The following FEZ2 variants were observed in gnomAD, a reference collection of about 807,000 sequenced individuals.
FEZ2 encodes the protein fasciculation and elongation protein zeta-2.
A neutral mutation model predicts 40.4 loss-of-function variants in FEZ2; 51 were observed. That is an observed-to-expected ratio of 1.26 (90% confidence interval 1.01 to 1.59). FEZ2 has a LOEUF of 1.59. Among genes scored for constraint, FEZ2 ranks in the 40% most tolerant of loss-of-function variants. The pLI, the probability that FEZ2 is intolerant of heterozygous loss-of-function variation, is 0.00. For synonymous variants in FEZ2, 242 were observed against 172.0 expected, an observed-to-expected ratio of 1.41 and a Z score of -3.18; for missense variants, 640 against 438.3, an observed-to-expected ratio of 1.46 and a Z score of -4.11.
chr2:36,577,892 A>C (rs1668622325), intron 5 of FEZ2, among the ~76,000 whole-genome samples: 2 of 152,226 alleles, frequency 1.3e-5, no homozygotes, highest in African/African-American at 4.8e-5. Context: ...AGAAAAAGAG[A>C]TCCCTTTACC....
chr2:36,581,325 G>A lies in FEZ2; in HGVS notation c.599C>T (p.Thr200Ile). 5.0e-6 allele frequency: 8 copies of A among 1,613,844 alleles called. No individual in the cohort carries two copies. Among genetic ancestry groups the A allele is most frequent in the Non-Finnish European group, 6.8e-6 (8 of 1,179,746 alleles). The change falls in exon 4 of 8, where the codon ACT (threonine) becomes ATT (isoleucine). Residue 200 changes from threonine to isoleucine, a missense_variant. Coordinates refer to ENST00000405912, the MANE Select transcript of FEZ2 (RefSeq NM_005102.3). ...RLSMLSQEIQ[T>I]LKRSSTGSYE... The stretch of plus-strand genomic sequence containing the variant: ...ACTGCCGGTACTAGACCTCTTGAGA[G>A]TTTGAATTTCCTGGGAAAGCATTGA...
At chr2:36,586,650 C>T (rs1304294784) in intron 2 of FEZ2, among the ~76,000 whole-genome samples, 1 of 151,102 alleles carries the variant, frequency 6.6e-6, no homozygotes, top group Non-Finnish European at 1.5e-5. Context: ...AAAATTACTC[C>T]TAAGGAAGCC....
chr2:36,562,426 T>C (rs955946933), intron 5 of FEZ2, among the ~76,000 whole-genome samples: 8 of 152,330 alleles, frequency 5.3e-5, no homozygotes, highest in Admixed American at 3.3e-4. Flanking sequence ...TGTAACTCTA[T>C]GGAGTTACTG....
Position 36,583,296 on chromosome 2 carries a change from G to A in FEZ2, c.492+57C>T, listed in dbSNP as rs575426176. On this transcript the variant is annotated intron_variant, in intron 3 of 7. Transcript: ENST00000405912. Reference sequence around the variant, plus strand: ...CCATCATTTACTGTCATAACAAGAAGCCGTTTTTCAGCTCTAGAGTCTCCT... The same window carrying A: ...CCATCATTTACTGTCATAACAAGAAACCGTTTTTCAGCTCTAGAGTCTCCT... The A allele has an allele frequency of 1.2e-4, 101 of 862,532 alleles. No individual in the cohort carries two copies. The African/African-American group carries it at 1.6e-3, about 14-fold the overall frequency. 53.4% of individuals were successfully genotyped at this position (862,532 alleles called of 1,614,324 possible).
rs1299695859 is a variant in FEZ2 at position 36,556,273 on chromosome 2, G to C, written c.980-525C>G. 4 of 209,014 alleles carry C rather than the reference G, an allele frequency of 1.9e-5. No homozygotes were observed. The Admixed American group carries it at 2.3e-4, about 12-fold the overall frequency. 12.9% of individuals were successfully genotyped at this position (209,014 alleles called of 1,614,324 possible). A position where few individuals can be genotyped will look rare whatever the true frequency, so the allele number is the denominator to read the frequency against. On this transcript the variant is annotated intron_variant, in intron 6 of 7. Coordinates refer to ENST00000405912, the MANE Select transcript of FEZ2 (RefSeq NM_005102.3). ...ACAGACTTCCATGAAGCAGCATCGG[G>C]CATCTGCCTGGCTGTTGCCTCCTCT... is the stretch of plus-strand genomic sequence containing the variant.
chr2:36,566,182 T>C (rs1668232788), intron 5 of FEZ2, among the ~76,000 whole-genome samples: 1 of 152,024 alleles, frequency 6.6e-6, no homozygotes, highest in Non-Finnish European at 1.5e-5. Context: ...CTACTAAAAA[T>C]ACAAAAAATT....
At position 36,552,262 on chromosome 2, in the gene FEZ2, T is replaced by TA. The variant is rs1256097472; in HGVS notation, c.*900dup. On this transcript the variant is annotated 3_prime_UTR_variant, in exon 8 of 8. Transcript: ENST00000405912. ...TATAAGGCTCTCAAACATGTATTTT[T>TA]ACTTCTTAAAAAATTTATTAAATGC... is the stretch of plus-strand genomic sequence containing the variant. 20 of 451,216 alleles carry TA rather than the reference T, an allele frequency of 4.4e-5. No homozygotes were observed. Among genetic ancestry groups the TA allele is most frequent in the Non-Finnish European group, 8.1e-5 (18 of 221,132 alleles). 28.0% of individuals were successfully genotyped at this position (451,216 alleles called of 1,614,324 possible).
intron 2 of FEZ2, among the ~76,000 whole-genome samples, chr2:36,587,301 C>T (rs1373529828): frequency 1.3e-5 from 2 of 152,184 alleles, no homozygotes; most frequent in Non-Finnish European, 2.9e-5. Flanking sequence ...GCTGGAATAT[C>T]TTTCAGGCTT....
chr2:36,567,122 G>C (rs993774295), intron 5 of FEZ2, among the ~76,000 whole-genome samples: 3 of 152,110 alleles, frequency 2.0e-5, no homozygotes, highest in African/African-American at 7.2e-5. Context: ...CCCGCAGCTT[G>C]CATAGTGCCT....
intron 5 of FEZ2, among the ~76,000 whole-genome samples, chr2:36,569,892 T>G (rs1319043026): frequency 6.6e-5 from 10 of 152,216 alleles, no homozygotes; most frequent in East Asian, 3.8e-4. Context: ...TATTTCTGAC[T>G]CTTACTCTAA....
chr2:36,573,997 A>G (rs1045760431), intron 5 of FEZ2, among the ~76,000 whole-genome samples: 8 of 152,240 alleles, frequency 5.3e-5, no homozygotes, highest in African/African-American at 1.9e-4. Flanking sequence ...CAGTGAGTGG[A>G]TAAACTAGTT....
intron 6 of FEZ2, 45 bp from the exon 7 acceptor site, chr2:36,555,793 G>T (rs760691951): frequency 9.1e-7 from 1 of 1,097,880 alleles, no homozygotes; most frequent in Non-Finnish European, 1.3e-6. Flanking sequence ...TAAAAATTTA[G>T]ATCAAAAATA....
intron 6 of FEZ2, chr2:36,556,521 C>T (rs1667965317): frequency 6.6e-6 from 1 of 152,370 alleles, no homozygotes; most frequent in East Asian, 1.9e-4. Context: ...CTGTTTTTCC[C>T]CACCAATACG....
chr2:36,587,308 G>C (rs930340230), intron 2 of FEZ2, among the ~76,000 whole-genome samples: 1 of 152,070 alleles, frequency 6.6e-6, no homozygotes, highest in African/African-American at 2.4e-5. Flanking sequence ...TATCTTTCAG[G>C]CTTTGCAAAC....
chr2:36,576,777 A>C (rs1187619585), intron 5 of FEZ2, among the ~76,000 whole-genome samples: 1 of 152,252 alleles, frequency 6.6e-6, no homozygotes, highest in African/African-American at 2.4e-5. Context: ...TTGCCTTGCC[A>C]AATCCATTTC....
chr2:36,552,428 G>T lies in FEZ2; in HGVS notation c.*735C>A. 2.9e-6 allele frequency: 1 copy of T among 343,526 alleles called. No individual in the cohort carries two copies. The highest frequency in any genetic ancestry group is 5.7e-6 in the Non-Finnish European group (1 of 176,458). 21.3% of individuals were successfully genotyped at this position (343,526 alleles called of 1,614,324 possible). A position where few individuals can be genotyped will look rare whatever the true frequency, so the allele number is the denominator to read the frequency against. On this transcript the variant is annotated 3_prime_UTR_variant, in exon 8 of 8. Transcript: ENST00000405912. ...TAATGAGAATGGGCAGTTCTGCAGT[G>T]TACACTTTCTCAAGCACCTCAGAGG...
Position 36,583,425 on chromosome 2 carries a change from C to T in FEZ2, c.420G>A (p.Leu140=). Residue 140 remains leucine, a synonymous_variant, in exon 3 of 8, where the codon CTG becomes CTA. Transcript: ENST00000405912. ...LLFDTSDDEE[L]REQLDMHSII... ...TTGAGTGCATATCCAGCTGTTCTCT[C>T]AGCTCTTCATCATCTGATGTATCAA... 2.5e-6 allele frequency: 4 copies of T among 1,609,410 alleles called. No homozygotes were observed. Among genetic ancestry groups the T allele is most frequent in the Non-Finnish European group, 2.6e-6 (3 of 1,175,808 alleles).
chr2:36,572,017 G>GAAAAAAAAAAAAAA (rs34787798), intron 5 of FEZ2, among the ~76,000 whole-genome samples: 1 of 110,110 alleles, frequency 9.1e-6, no homozygotes, highest in African/African-American at 3.1e-5. Flanking sequence ...TCCGTCTCAG[G>GAAAAAAAAAAAAAA]AAAAAAAAAA....
At chr2:36,563,465 C>CTTGA (rs1219092335) in intron 5 of FEZ2, among the ~76,000 whole-genome samples, 2 of 150,590 alleles carry the variant, frequency 1.3e-5, no homozygotes, top group African/African-American at 4.9e-5. Context: ...TCAATCGCCT[C>CTTGA]TTGATCCATT....
Sources: gnomAD v4.1 joint callset for allele counts (sites outside exome capture counted in the v4.1 genomes callset) on GRCh38, gnomAD v4.1.1 for gene constraint, MANE v1.5 for transcripts, NCBI Gene and HGNC (gene_info 2026-07-23, HGNC 2026-07-21) for gene names.